Variants in EBF1 observed in about 807,000 individuals in gnomAD.
EBF1 encodes transcription factor COE1.
A neutral mutation model predicts 68.4 loss-of-function variants in EBF1; 10 were observed. The ratio of observed to expected loss-of-function variants is 0.15; its 90% confidence interval spans 0.09 to 0.25. The LOEUF (loss-of-function observed/expected upper bound fraction) is 0.25, where lower values mean the gene tolerates loss of function less well. EBF1 is among the 10% of genes least tolerant of loss of function. The pLI, the probability that EBF1 is intolerant of heterozygous loss-of-function variation, is 1.00. For missense variants in EBF1, 509 were observed against 794.4 expected (o/e 0.64, Z 4.32); for synonymous variants, 298 against 299.8 (o/e 0.99, Z 0.06).
chr5:158,747,249 T>C (rs1767787257), intron 10 of EBF1, among the ~76,000 whole-genome samples: 1 of 152,188 alleles, frequency 6.6e-6, no homozygotes, highest in Non-Finnish European at 1.5e-5. Flanking sequence ...CATGTAAGCC[T>C]GACTTAAAAT....
intron 6 of EBF1, among the ~76,000 whole-genome samples, chr5:159,042,438 C>T (rs1371467308): frequency 2.0e-5 from 3 of 152,196 alleles, no homozygotes; most frequent in African/African-American, 7.2e-5. Flanking sequence ...TATCTAAAAG[C>T]TGACCCTATT....
intron 10 of EBF1, among the ~76,000 whole-genome samples, chr5:158,768,101 T>C (rs985742254): frequency 3.3e-5 from 5 of 152,064 alleles, no homozygotes; most frequent in African/African-American, 1.2e-4. Flanking sequence ...ACTGGGTCCT[T>C]GGAGCAACAC....
intron 15 of EBF1, 25 bp downstream of exon 15, chr5:158,707,954 T>C: frequency 1.9e-6 from 3 of 1,543,686 alleles, no homozygotes; most frequent in Non-Finnish European, 2.6e-6. Flanking sequence ...TGAATCTGGA[T>C]TGGCAGGTGG....
intron 11 of EBF1, among the ~76,000 whole-genome samples, chr5:158,719,510 G>C (rs1404649815): frequency 6.6e-6 from 1 of 152,040 alleles, no homozygotes; most frequent in Non-Finnish European, 1.5e-5. Flanking sequence ...ACCATCTGTG[G>C]GAGTCCTTCT....
chr5:158,955,016 G>C (rs1816779407), intron 6 of EBF1, among the ~76,000 whole-genome samples: 1 of 152,024 alleles, frequency 6.6e-6, no homozygotes, highest in African/African-American at 2.4e-5. Context: ...CAATCCTCAG[G>C]GGAAAAAAAT....
At chr5:158,747,488 G>T in intron 10 of EBF1, among the ~76,000 whole-genome samples, 1 of 152,072 alleles carries the variant, frequency 6.6e-6, no homozygotes. Flanking sequence ...TCATATACAT[G>T]ATCTATCTCC....
At chr5:159,096,866 G>T (rs775833723) in intron 2 of EBF1, 108 bp downstream of exon 2, 7 of 1,384,874 alleles carry the variant, frequency 5.1e-6, no homozygotes, top group African/African-American at 1.4e-5. Flanking sequence ...CCACATAGAA[G>T]TGTGTTATGG....
At chr5:159,014,406 T>C (rs1765271722) in intron 6 of EBF1, among the ~76,000 whole-genome samples, 1 of 152,230 alleles carries the variant, frequency 6.6e-6, no homozygotes, top group Non-Finnish European at 1.5e-5. Context: ...ATGCCAACTA[T>C]AGGACATTAT....
chr5:158,992,440 T>C (rs919074353), intron 6 of EBF1, among the ~76,000 whole-genome samples: 4 of 152,156 alleles, frequency 2.6e-5, no homozygotes, highest in Non-Finnish European at 4.4e-5. Flanking sequence ...TATAAAGACA[T>C]TGATGTGTTT....
intron 9 of EBF1, among the ~76,000 whole-genome samples, chr5:158,781,840 T>A (rs1776501575): frequency 1.3e-5 from 2 of 152,152 alleles, no homozygotes; most frequent in Non-Finnish European, 2.9e-5. Flanking sequence ...CTACTTCTAC[T>A]TTTTCCACCA....
chr5:159,051,147 A>G (rs566174893), intron 6 of EBF1, among the ~76,000 whole-genome samples: 28 of 152,240 alleles, frequency 1.8e-4, no homozygotes, highest in African/African-American at 6.5e-4. Context: ...ACCCAAAGAC[A>G]GGCACAGGAT....
At chr5:158,979,799 A>C (rs1258682603) in intron 6 of EBF1, among the ~76,000 whole-genome samples, 1 of 152,184 alleles carries the variant, frequency 6.6e-6, no homozygotes, top group Non-Finnish European at 1.5e-5. Context: ...AGAAGGCAGT[A>C]ATAACGCTAA....
intron 6 of EBF1, among the ~76,000 whole-genome samples, chr5:159,041,655 T>A (rs1303841638): frequency 6.6e-6 from 1 of 152,106 alleles, no homozygotes; most frequent in African/African-American, 2.4e-5. Flanking sequence ...GAGGTTGACA[T>A]TCAGCACATG....
At chr5:159,002,797 GA>G (rs1762800022) in intron 6 of EBF1, among the ~76,000 whole-genome samples, 1 of 152,078 alleles carries the variant, frequency 6.6e-6, no homozygotes. Flanking sequence ...ATCACCTTTG[GA>G]AATCTGTAAA....
In EBF1 at chr5:158,737,522, G is replaced by T. The variant is rs1474190668; in HGVS notation, c.1037-6365C>A. 2.0e-5 allele frequency among the ~76,000 whole-genome samples: 3 copies of T among 151,918 alleles called. No individual in the cohort carries two copies. In the East Asian group the frequency reaches 5.8e-4, roughly 29 times the overall value. On this transcript the variant is annotated intron_variant, in intron 10 of 15. Coordinates refer to ENST00000313708, the MANE Select transcript of EBF1 (RefSeq NM_024007.5). The stretch of plus-strand genomic sequence containing the variant: ...GATGGTCTCGATCTCCTGACCTCGT[G>T]ATCCGCCCGCTTCGGCCTCCCAAAG...
rs1755883354 is a variant in EBF1, at chr5:158,697,034, A to C, written c.*2077T>G. On this transcript the variant is annotated 3_prime_UTR_variant, in exon 16 of 16. Coordinates refer to ENST00000313708, the MANE Select transcript of EBF1 (RefSeq NM_024007.5). ...TAAGGCATCCAATCTGCTGGTTTAT[A>C]TTTATGTGAAAGACAGAGGAAATAT... 5.3e-6 allele frequency: 1 copy of C among 188,720 alleles called. No individual in the cohort carries two copies. Among genetic ancestry groups the C allele is most frequent in the Non-Finnish European group, 1.1e-5 (1 of 89,962 alleles). The allele number at this position is 188,720 out of a possible 1,614,324, so 11.7% of individuals were successfully genotyped here. A position where few individuals can be genotyped will look rare whatever the true frequency, so the allele number is the denominator to read the frequency against.
chr5:158,847,068 A>G (rs1319679713), intron 6 of EBF1, among the ~76,000 whole-genome samples: 2 of 152,184 alleles, frequency 1.3e-5, no homozygotes, highest in African/African-American at 4.8e-5. Context: ...ACTGATTTCA[A>G]GAAGTTTACC....
At chr5:159,043,719 C>T (rs1771728179) in intron 6 of EBF1, among the ~76,000 whole-genome samples, 1 of 152,088 alleles carries the variant, frequency 6.6e-6, no homozygotes, top group Admixed American at 6.6e-5. Flanking sequence ...TAGGACTCTG[C>T]CAAAGGTCTT....
Position 158,940,777 on chromosome 5 carries a change from C to CCCCCCCCCCT in EBF1, c.555-100668_555-100667insAGGGGGGGGG, listed in dbSNP as rs1554083360. 9.7e-5 allele frequency among the ~76,000 whole-genome samples: 5 copies of CCCCCCCCCCT among 51,552 alleles called. 1 individual carries two copies. The highest frequency in any genetic ancestry group is 2.7e-4 in the Non-Finnish European group (4 of 14,604). The allele number at this position is 51,552 out of a possible 152,430, so 33.8% of individuals were successfully genotyped here. On this transcript the variant is annotated intron_variant, in intron 6 of 15. Transcript: ENST00000313708. ...TTCACCCCACCGCCCCCCCCCCCCC[C>CCCCCCCCCCT]CCGCAGGTCAAATGGAGGATGGACT... is the stretch of plus-strand genomic sequence containing the variant.
Sources: gnomAD v4.1 joint callset for allele counts (sites outside exome capture counted in the v4.1 genomes callset) on GRCh38, gnomAD v4.1.1 for gene constraint, MANE v1.5 for transcripts, NCBI Gene and HGNC (gene_info 2026-07-23, HGNC 2026-07-21) for gene names.